EXO1: variants seen among roughly 807,000 people sequenced by gnomAD.
EXO1 encodes the protein exonuclease 1.
EXO1 carries 69 observed loss-of-function variants against 84.5 expected under a neutral mutation model. That is an observed-to-expected ratio of 0.82 (90% CI 0.67 to 1.00). The LOEUF (loss-of-function observed/expected upper bound fraction) is 1.00, where lower values mean the gene tolerates loss of function less well. Ranked by LOEUF, EXO1 falls within the 50% of genes least tolerant of loss-of-function variation. The pLI, the probability that EXO1 is intolerant of heterozygous loss-of-function variation, is 0.00. For synonymous variants in EXO1, 373 were observed against 366.1 expected (o/e 1.02, Z -0.21); for missense variants, 1,045 against 1,000.7 (o/e 1.04, Z -0.60).
chr1:241,853,552 A>G, intron 6 of EXO1, 71 bp downstream of exon 6: 1 of 1,564,294 alleles, frequency 6.4e-7, no homozygotes, highest in Non-Finnish European at 8.8e-7. Context: ...GGAGAGGAAG[A>G]AAATCAAGGG....
chr1:241,850,143 C>T (rs1660574006), intron 3 of EXO1, among the ~76,000 whole-genome samples: 1 of 151,966 alleles, frequency 6.6e-6, no homozygotes, highest in Non-Finnish European at 1.5e-5. Flanking sequence ...TAGCCGGGCG[C>T]GGTGGCGGGC....
chr1:241,869,476 C>T (rs1017965253), intron 11 of EXO1, among the ~76,000 whole-genome samples: 1 of 152,090 alleles, frequency 6.6e-6, no homozygotes, highest in East Asian at 1.9e-4. Context: ...ACATCTACAT[C>T]GGTGAATGAA....
At chr1:241,879,767 G>A (rs190405432) in intron 13 of EXO1, among the ~76,000 whole-genome samples, 2 of 152,296 alleles carry the variant, frequency 1.3e-5, no homozygotes, top group East Asian at 3.9e-4. Context: ...CACTTTGGGA[G>A]GCCGAGGCGA....
rs61825960 is a variant in EXO1 at position 241,877,150 on chromosome 1, T to G, written c.1515-1599T>G. 1.3e-3 allele frequency among the ~76,000 whole-genome samples: 205 copies of G among 152,314 alleles called. No homozygotes were observed. In the Middle Eastern group the frequency reaches 0.014, roughly 10 times the overall value. On this transcript the variant is annotated intron_variant, in intron 12 of 15. Transcript: ENST00000366548. ...TGTTTTAAGTCTTAATTATTTTTAT[T>G]ATGTAGGTAGTTATCACAGAAACGT...
In EXO1 at chr1:241,878,893, A is replaced by G; in HGVS notation, c.1659A>G (p.Thr553=). Reference sequence around the variant, plus strand: ...AAGAAGGCAAGAGACTGGTTGACACAGATGTAGCACGTAATTCAAGTGATG... The same window carrying G: ...AAGAAGGCAAGAGACTGGTTGACACGGATGTAGCACGTAATTCAAGTGATG... ...GDQEGKRLVD[T]DVARNSSDDI... is the part of the protein sequence containing the mutation. The change falls in exon 13 of 16, where the codon ACA becomes ACG. Residue 553 remains threonine, a synonymous_variant. Transcript: ENST00000366548. The G allele has an allele frequency of 6.2e-7, 1 of 1,614,190 alleles. No homozygotes were observed. Among genetic ancestry groups the G allele is most frequent in the Non-Finnish European group, 8.5e-7 (1 of 1,180,022 alleles).
chr1:241,870,750 A>G (rs569409757), intron 11 of EXO1, among the ~76,000 whole-genome samples: 3 of 152,078 alleles, frequency 2.0e-5, no homozygotes, highest in Non-Finnish European at 4.4e-5. Context: ...GAATCTTTGT[A>G]TTTTCTAATA....
intron 12 of EXO1, among the ~76,000 whole-genome samples, chr1:241,874,166 A>G (rs539104069): frequency 6.6e-6 from 1 of 152,306 alleles, no homozygotes; most frequent in East Asian, 1.9e-4. Flanking sequence ...TTGGGAGGCC[A>G]AGTGGGTGGA....
rs779242463 is a variant in EXO1 at position 241,889,549 on chromosome 1, T to C, written c.2490T>C (p.Asp830=). Residue 830 remains aspartate, a synonymous_variant, in exon 16 of 16, where the codon GAT becomes GAC. Transcript: ENST00000366548. The part of the protein sequence containing the change: ...NIQLTPEAEE[D]IFNKPECGRV... ...AACTAACTCCAGAAGCGGAAGAGGATATATTTAACAAACCTGAATGTGGCC... is the reference window on the plus strand; with the variant it reads ...AACTAACTCCAGAAGCGGAAGAGGACATATTTAACAAACCTGAATGTGGCC... 1.2e-6 allele frequency: 2 copies of C among 1,613,996 alleles called. No individual in the cohort carries two copies. The highest frequency in any genetic ancestry group is 2.2e-5 in the South Asian group (2 of 91,080).
In EXO1 at chr1:241,872,195, T is replaced by C. The variant is rs146087984; in HGVS notation, c.1431T>C (p.Pro477=). 2.5e-6 allele frequency: 4 copies of C among 1,613,802 alleles called. No homozygotes were observed. The African/African-American group carries it at 4.0e-5, about 16-fold the overall frequency. ...PTNKKSVSTP[P]RTRNKFATFL... Reference sequence around the variant, plus strand: ...ACAAAAAGAGTGTAAGCACTCCACCTAGGACGAGAAATAAATTTGCAACAT... The same window carrying C: ...ACAAAAAGAGTGTAAGCACTCCACCCAGGACGAGAAATAAATTTGCAACAT... The change falls in exon 12 of 16, where the codon CCT becomes CCC. Residue 477 remains proline, a synonymous_variant. Coordinates refer to ENST00000366548, the MANE Select transcript of EXO1 (RefSeq NM_130398.4).
chr1:241,885,212 G>A (rs28624109), intron 14 of EXO1, 102 bp from the exon 15 acceptor site: 1 of 438,696 alleles, frequency 2.3e-6, no homozygotes, highest in Non-Finnish European at 3.8e-6. Flanking sequence ...ATCTCAAAAA[G>A]TAAATAAATA....
intron 11 of EXO1, among the ~76,000 whole-genome samples, chr1:241,869,770 C>G (rs1661979722): frequency 3.5e-5 from 1 of 28,496 alleles, no homozygotes; most frequent in African/African-American, 1.3e-4. Context: ...TTCCTTCCCT[C>G]CCTCCCTCCT....
At chr1:241,850,993 C>G (rs1242879264) in intron 4 of EXO1, among the ~76,000 whole-genome samples, 1 of 151,988 alleles carries the variant, frequency 6.6e-6, no homozygotes, top group East Asian at 1.9e-4. Context: ...CACCACCATA[C>G]CCGGCTAATT....
intron 8 of EXO1, among the ~76,000 whole-genome samples, chr1:241,859,238 A>AT (rs1341528112): frequency 2.2e-5 from 3 of 136,478 alleles, no homozygotes; most frequent in Non-Finnish European, 4.7e-5. Flanking sequence ...AAAAATAATC[A>AT]TTTTTTAAAA....
intron 12 of EXO1, among the ~76,000 whole-genome samples, chr1:241,878,509 AG>A (rs1251210672): frequency 4.6e-5 from 7 of 150,948 alleles, no homozygotes; most frequent in Admixed American, 1.3e-4. Flanking sequence ...AAAAAAAAAA[AG>A]AAGGAAAATC....
At chr1:241,880,505 A>C (rs1662691499) in intron 13 of EXO1, among the ~76,000 whole-genome samples, 1 of 152,210 alleles carries the variant, frequency 6.6e-6, no homozygotes, top group Admixed American at 6.5e-5. Context: ...TTTTTTATGT[A>C]CTAATGGTTA....
Position 241,857,455 on chromosome 1 carries a change from G to C in EXO1, c.516G>C (p.Ser172=), listed in dbSNP as rs774681741. The C allele has an allele frequency of 6.2e-7, 1 of 1,613,760 alleles. No homozygotes were observed. The highest frequency in any genetic ancestry group is 1.7e-4 in the Middle Eastern group (1 of 5,976). The change falls in exon 7 of 16, where the codon TCG becomes TCC. Residue 172 remains serine (S), a synonymous_variant. Coordinates refer to ENST00000366548, the MANE Select transcript of EXO1 (RefSeq NM_130398.4). ...GIVQAIITED[S]DLLAFGCKKV... is the part of the protein sequence containing the mutation. ...TGCAAGCCATAATTACAGAGGACTC[G>C]GATCTCCTAGCTTTTGGCTGTAAAA...
chr1:241,888,818 TAATCCCAGC>T (rs1289889571), intron 15 of EXO1, among the ~76,000 whole-genome samples: 1 of 152,188 alleles, frequency 6.6e-6, no homozygotes, highest in Non-Finnish European at 1.5e-5. Context: ...CTCACGCCTG[TAATCCCAGC>T]ACTTTGGGAG....
rs753819273 is a variant in EXO1, at chr1:241,866,851, A to G, written c.1063A>G (p.Ser355Gly). Residue 355 changes from serine to glycine, a missense_variant, in exon 11 of 16, where the codon AGT (serine) becomes GGT (glycine). By Grantham distance (56) the Ser-to-Gly change is moderately conservative (BLOSUM62 0). Coordinates refer to ENST00000366548, the MANE Select transcript of EXO1 (RefSeq NM_130398.4). Reference protein sequence around the residue: ...TAMPAHSRSHSWDDKTCQKSA... With the variant: ...TAMPAHSRSHGWDDKTCQKSA... ...CTAGCCTGCCCATTCAAGAAGTCAT[A>G]GTTGGGATGACAAAACATGTCAAAA... The G allele has an allele frequency of 1.2e-5, 20 of 1,612,954 alleles. No homozygotes were observed. Among genetic ancestry groups the G allele is most frequent in the Non-Finnish European group, 1.6e-5 (19 of 1,179,038 alleles).
intron 11 of EXO1, among the ~76,000 whole-genome samples, chr1:241,868,504 G>T (rs770509204): frequency 2.8e-4 from 43 of 151,538 alleles, no homozygotes; most frequent in Non-Finnish European, 5.2e-4. Flanking sequence ...AAATACAAAA[G>T]AAATTTTTTA....
Sources: allele counts gnomAD v4.1 joint callset (sites outside exome capture counted in the v4.1 genomes callset), GRCh38; gene constraint gnomAD v4.1.1; transcripts MANE v1.5; gene names NCBI Gene and HGNC (gene_info 2026-07-23, HGNC 2026-07-21).